The following PDE4D variants were observed in gnomAD, a reference collection of about 807,000 sequenced individuals.
The protein encoded by PDE4D is phosphodiesterase 4D.
In PDE4D, 24 loss-of-function variants were observed where a neutral mutation model predicts 87.4. That is an observed-to-expected ratio of 0.27 (90% CI 0.20 to 0.39). The LOEUF is 0.39. PDE4D is among the 10% of genes least tolerant of loss of function. The pLI is 1.00. For synonymous variants in PDE4D, 384 were observed against 383.2 expected (o/e 1.00, Z -0.02); for missense variants, 714 against 1,041.0 (o/e 0.69, Z 4.32).
intron 1 of PDE4D, among the ~76,000 whole-genome samples, chr5:60,363,677 G>T (rs987072579): frequency 6.6e-6 from 1 of 152,334 alleles, no homozygotes; most frequent in East Asian, 1.9e-4. Context: ...GGCATCACCA[G>T]AGGAGACCTC....
chr5:59,282,286 G>A (rs1453611601), intron 1 of PDE4D, among the ~76,000 whole-genome samples: 1 of 152,060 alleles, frequency 6.6e-6, no homozygotes, highest in Non-Finnish European at 1.5e-5. Context: ...CAACTGGAAA[G>A]ACCACATTGC....
At chr5:59,273,464 T>G (rs916372361) in intron 1 of PDE4D, among the ~76,000 whole-genome samples, 1 of 152,130 alleles carries the variant, frequency 6.6e-6, no homozygotes, top group Non-Finnish European at 1.5e-5. Flanking sequence ...AATATTTGAC[T>G]GATAGACGGA....
chr5:59,023,157 A>T (rs573354128), intron 6 of PDE4D, among the ~76,000 whole-genome samples: 9 of 151,434 alleles, frequency 5.9e-5, no homozygotes, highest in Non-Finnish European at 1.0e-4. Context: ...TCCAGGCAAC[A>T]GTGCAAGACT....
intron 3 of PDE4D, among the ~76,000 whole-genome samples, chr5:59,962,520 G>GA (rs963684974): frequency 1.7e-4 from 25 of 150,228 alleles, no homozygotes; most frequent in Admixed American, 4.6e-4. Flanking sequence ...GCTCCTACAT[G>GA]AAAAAAAAAT....
In PDE4D at chr5:59,934,888, G is replaced by A. The variant is rs529363015; in HGVS notation, c.272+53600C>T. Among the ~76,000 whole-genome samples the A allele has an allele frequency of 4.9e-4, 75 of 152,184 alleles. No individual in the cohort carries two copies. In the South Asian group the frequency reaches 0.015, roughly 31 times the overall value. ...AGTCAACCACATATTTAAAAGCAAT[G>A]GAAGATATAGGTACAAAAAAATATT... is the stretch of plus-strand genomic sequence containing the variant. On this transcript the variant is annotated intron_variant, in intron 3 of 16. Transcript: ENST00000502484.
chr5:59,881,047 C>A (rs1749357740), intron 1 of PDE4D, among the ~76,000 whole-genome samples: 2 of 151,904 alleles, frequency 1.3e-5, no homozygotes, highest in African/African-American at 4.8e-5. Context: ...GCCATTTTGC[C>A]AGGATGATGA....
intron 1 of PDE4D, among the ~76,000 whole-genome samples, chr5:59,427,292 TACACAC>T (rs60646746): frequency 0.2 from 26,433 of 132,142 alleles, 2,301 homozygotes; most frequent in Middle Eastern, 0.27. Context: ...AGTGATTTTA[TACACAC>T]ACACACACAC....
intron 1 of PDE4D, among the ~76,000 whole-genome samples, chr5:60,513,517 A>G (rs1400669723): frequency 6.6e-6 from 1 of 152,160 alleles, no homozygotes; most frequent in African/African-American, 2.4e-5. Flanking sequence ...TAACAGACTA[A>G]TAAGTGGGAA....
At chr5:59,613,994 C>G (rs1829337812) in intron 1 of PDE4D, among the ~76,000 whole-genome samples, 1 of 151,818 alleles carries the variant, frequency 6.6e-6, no homozygotes, top group Non-Finnish European at 1.5e-5. Context: ...AATTTTTTTA[C>G]AAAAAAATTT....
intron 1 of PDE4D, among the ~76,000 whole-genome samples, chr5:59,647,504 C>A (rs961115617): frequency 6.7e-6 from 1 of 149,332 alleles, no homozygotes; most frequent in Admixed American, 6.7e-5. Flanking sequence ...TATACCTATA[C>A]CTGTTTAAAT....
At chr5:60,047,198 C>T (rs990033208) in intron 2 of PDE4D, among the ~76,000 whole-genome samples, 9 of 151,976 alleles carry the variant, frequency 5.9e-5, no homozygotes, top group Admixed American at 2.0e-4. Flanking sequence ...GTATTTCTGT[C>T]GGATTGGTGG....
chr5:59,964,510 C>T (rs2152812759), intron 3 of PDE4D, among the ~76,000 whole-genome samples: 1 of 152,268 alleles, frequency 6.6e-6, no homozygotes, highest in South Asian at 2.1e-4. Flanking sequence ...TGAGTGTCCA[C>T]ATCTACTCCT....
intron 1 of PDE4D, among the ~76,000 whole-genome samples, chr5:59,319,325 G>GA (rs34549454): frequency 6.6e-6 from 1 of 151,886 alleles, no homozygotes; most frequent in African/African-American, 2.4e-5. Context: ...TCTAAAGTCA[G>GA]AAAAAAAGTC....
intron 1 of PDE4D, among the ~76,000 whole-genome samples, chr5:59,820,833 A>C (rs1414649676): frequency 6.6e-6 from 1 of 152,234 alleles, no homozygotes; most frequent in Non-Finnish European, 1.5e-5. Context: ...AGTAAGCGAT[A>C]ACTACTCACA....
chr5:59,450,675 T>C (rs1022524993), intron 1 of PDE4D, among the ~76,000 whole-genome samples: 4 of 152,202 alleles, frequency 2.6e-5, no homozygotes, highest in Non-Finnish European at 5.9e-5. Flanking sequence ...GCAGATGATA[T>C]TCCTACTCAA....
intron 2 of PDE4D, among the ~76,000 whole-genome samples, chr5:60,038,364 C>A (rs2152865471): frequency 6.6e-6 from 1 of 152,220 alleles, no homozygotes; most frequent in South Asian, 2.1e-4. Flanking sequence ...TTTCCCAGCA[C>A]CATTTATTAA....
At chr5:60,117,696 T>C (rs1030958364) in intron 2 of PDE4D, among the ~76,000 whole-genome samples, 1 of 152,096 alleles carries the variant, frequency 6.6e-6, no homozygotes, top group African/African-American at 2.4e-5. Context: ...TACTATTCTT[T>C]CTGGTTCCTT....
intron 1 of PDE4D, among the ~76,000 whole-genome samples, chr5:59,398,462 A>G (rs1789931150): frequency 7.1e-6 from 1 of 140,618 alleles, no homozygotes; most frequent in African/African-American, 2.7e-5. Flanking sequence ...GCATATAAAC[A>G]GAGCCAAAGA....
rs565984675 is a variant in PDE4D, at chr5:59,448,653, C to T, written c.456-232685G>A. On this transcript the variant is annotated intron_variant, in intron 1 of 14. Coordinates refer to ENST00000340635, the MANE Select transcript of PDE4D (RefSeq NM_001104631.2). Reference sequence around the variant, plus strand: ...TAGAATGTTGTAGTTTTGGAATATCCCTTTTTGGCGGGGGAGGTGGAAGGA... The same window carrying T: ...TAGAATGTTGTAGTTTTGGAATATCTCTTTTTGGCGGGGGAGGTGGAAGGA... Among the ~76,000 whole-genome samples, 8 of 152,090 alleles carry T rather than the reference C, an allele frequency of 5.3e-5. No homozygotes were observed. The East Asian group carries it at 1.5e-3, about 29-fold the overall frequency.
Sources: gnomAD v4.1 joint callset for allele counts (sites outside exome capture counted in the v4.1 genomes callset) on GRCh38, gnomAD v4.1.1 for gene constraint, MANE v1.5 for transcripts, NCBI Gene and HGNC (gene_info 2026-07-23, HGNC 2026-07-21) for gene names.